The following BCAS3 variants were observed in gnomAD, a reference collection of about 807,000 sequenced individuals.
BCAS3 encodes the protein BCAS4/BCAS3 fusion.
A neutral mutation model predicts 116.1 loss-of-function variants in BCAS3; 53 were observed. The ratio of observed to expected loss-of-function variants is 0.46; its 90% CI spans 0.37 to 0.57. BCAS3 has a LOEUF of 0.57. Among genes scored for constraint, BCAS3 ranks in the 20% least tolerant of loss-of-function variants. BCAS3 has a pLI of 0.00. For synonymous variants in BCAS3, 391 were observed against 408.2 expected (o/e 0.96, Z 0.51); for missense variants, 917 against 1,165.4 (o/e 0.79, Z 3.10).
In BCAS3 at chr17:61,365,518, G is replaced by A. The variant is rs1409122935; in HGVS notation, c.2426-2809G>A. Among the ~76,000 whole-genome samples the A allele has an allele frequency of 2.0e-5, 3 of 152,102 alleles. No individual in the cohort carries two copies. Among genetic ancestry groups the A allele is most frequent in the East Asian group, 1.9e-4 (1 of 5,172 alleles). On this transcript the variant is annotated intron_variant, in intron 22 of 23. Transcript: ENST00000407086. The surrounding 1 kb of genome is among the most constrained non-coding windows in gnomAD (Gnocchi z 4.6). ...CCAGCTAACTTTTGTATTTTTAGTCGAGATGGCGTTTCACCATGTTGTCCA... is the reference window on the plus strand; with the variant it reads ...CCAGCTAACTTTTGTATTTTTAGTCAAGATGGCGTTTCACCATGTTGTCCA...
At chr17:61,045,854 T>TAA (rs2068020651) in intron 19 of BCAS3, among the ~76,000 whole-genome samples, 1 of 760 alleles carries the variant, frequency 1.3e-3, no homozygotes, top group Non-Finnish European at 7.9e-3. Context: ...TCTCTCTATA[T>TAA]ATATATATAT....
rs1568743988 is a variant in BCAS3, at chr17:61,281,750, A to T, written c.2426-86577A>T. On this transcript the variant is annotated intron_variant, in intron 22 of 23. Coordinates refer to ENST00000407086, the MANE Select transcript of BCAS3 (RefSeq NM_017679.5). This position sits in a 1 kb window ranked among gnomAD's most constrained non-coding sequence, Gnocchi z 4.2. ...TCATATATATTATAAATATTTTTCCAAGTTTGTCAGTATCTTTGCCATACA... is the reference window on the plus strand; with the variant it reads ...TCATATATATTATAAATATTTTTCCTAGTTTGTCAGTATCTTTGCCATACA... Among the ~76,000 whole-genome samples, 2 of 152,004 alleles carry T rather than the reference A, an allele frequency of 1.3e-5. No individual in the cohort carries two copies. Among genetic ancestry groups the T allele is most frequent in the East Asian group, 3.8e-4 (2 of 5,200 alleles).
Position 61,118,260 on chromosome 17 carries a change from A to G in BCAS3, c.2425+33696A>G, listed in dbSNP as rs930732000. Among the ~76,000 whole-genome samples the G allele has an allele frequency of 1.3e-5, 2 of 152,162 alleles. No homozygotes were observed. Among genetic ancestry groups the G allele is most frequent in the African/African-American group, 4.8e-5 (2 of 41,432 alleles). ...ACTGTTACCACCCAATCAGGTTACT[A>G]CTTGGGAGAGATGGAAGTCCCGGCT... On this transcript the variant is annotated intron_variant, in intron 22 of 23. Transcript: ENST00000407086. This position sits in a 1 kb window ranked among gnomAD's most constrained non-coding sequence, Gnocchi z 5.0.
chr17:61,344,578 A>C lies in BCAS3; in HGVS notation c.2426-23749A>C, dbSNP rs141029670. ...AGAGGAGGAAACAGCCAGCAGTGGC[A>C]GTAGTGTGTTACATGCTGATAGGGC... On this transcript the variant is annotated intron_variant, in intron 22 of 23. Transcript: ENST00000407086. This position sits in a 1 kb window ranked among gnomAD's most constrained non-coding sequence, Gnocchi z 4.1. Among the ~76,000 whole-genome samples, 1 of 152,236 alleles carries C rather than the reference A, an allele frequency of 6.6e-6. No homozygotes were observed. The highest frequency in any genetic ancestry group is 2.4e-5 in the African/African-American group (1 of 41,458).
At position 61,041,759 on chromosome 17, in the gene BCAS3, T is replaced by C. The variant is rs2067527084; in HGVS notation, c.2029+867T>C. On this transcript the variant is annotated intron_variant, in intron 19 of 23. Transcript: ENST00000407086. This position sits in a 1 kb window ranked among gnomAD's most constrained non-coding sequence, Gnocchi z 4.7. The stretch of plus-strand genomic sequence containing the variant: ...TATTATACTGGAAACAGAAATATTT[T>C]ATAGACTTTGCTCTCAAGTTATGAA... Among the ~76,000 whole-genome samples the C allele has an allele frequency of 6.6e-6, 1 of 152,106 alleles. No individual in the cohort carries two copies.
chr17:61,082,280 T>A lies in BCAS3; in HGVS notation c.2328-2187T>A, dbSNP rs1182960380. Among the ~76,000 whole-genome samples the A allele has an allele frequency of 6.6e-6, 1 of 152,210 alleles. No homozygotes were observed. The highest frequency in any genetic ancestry group is 1.5e-5 in the Non-Finnish European group (1 of 68,034). On this transcript the variant is annotated intron_variant, in intron 21 of 23. Coordinates refer to ENST00000407086, the MANE Select transcript of BCAS3 (RefSeq NM_017679.5). This position sits in a 1 kb window ranked among gnomAD's most constrained non-coding sequence, Gnocchi z 5.1. The stretch of plus-strand genomic sequence containing the variant: ...ATTTACCAGTTTTAAAATGTACAAG[T>A]CAGTGGGTTTTAGTATATTCACTAT...
chr17:61,083,073 C>T lies in BCAS3; in HGVS notation c.2328-1394C>T, dbSNP rs1426487954. 3.9e-5 allele frequency among the ~76,000 whole-genome samples: 6 copies of T among 152,282 alleles called. No homozygotes were observed. Among genetic ancestry groups the T allele is most frequent in the Non-Finnish European group, 2.9e-5 (2 of 68,022 alleles). On this transcript the variant is annotated intron_variant, in intron 21 of 23. Coordinates refer to ENST00000407086, the MANE Select transcript of BCAS3 (RefSeq NM_017679.5). The surrounding 1 kb of genome is among the most constrained non-coding windows in gnomAD (Gnocchi z 4.9). ...GCACTTCAAGATGCCCTGAATCTAT[C>T]GTATTCAGTCACTAATCTAAGTTTC...
chr17:61,206,848 C>CT (rs1325879107), intron 22 of BCAS3, among the ~76,000 whole-genome samples: 1 of 147,884 alleles, frequency 6.8e-6, no homozygotes, highest in Admixed American at 6.7e-5. Flanking sequence ...GGGGAATCCC[C>CT]TATGAATGTA....
At chr17:61,306,691 G>A (rs952904088) in intron 22 of BCAS3, among the ~76,000 whole-genome samples, 5 of 152,092 alleles carry the variant, frequency 3.3e-5, no homozygotes, top group East Asian at 1.9e-4. Context: ...CAGGAGGATC[G>A]CTTGAGCCCA....
At chr17:61,089,215 C>T (rs773626868) in intron 22 of BCAS3, among the ~76,000 whole-genome samples, 11 of 152,090 alleles carry the variant, frequency 7.2e-5, no homozygotes, top group Non-Finnish European at 1.5e-4. Context: ...AAATTACACA[C>T]TTAAAATCCC....
intron 13 of BCAS3, among the ~76,000 whole-genome samples, chr17:60,938,107 G>A (rs2060031439): frequency 6.6e-6 from 1 of 152,084 alleles, no homozygotes; most frequent in Admixed American, 6.6e-5. Context: ...TGTTGGCCAG[G>A]ATGGTCTCAA....
At position 61,227,072 on chromosome 17, in the gene BCAS3, C is replaced by A. The variant is rs946562742; in HGVS notation, c.2426-141255C>A. 6.6e-6 allele frequency among the ~76,000 whole-genome samples: 1 copy of A among 152,320 alleles called. No homozygotes were observed. Among genetic ancestry groups the A allele is most frequent in the African/African-American group, 2.4e-5 (1 of 41,560 alleles). ...AGGTGGTTAACTGTGTGCAACGCCC[C>A]TTTCCCATAGGTTATGGTTACTCCA... On this transcript the variant is annotated intron_variant, in intron 22 of 23. Transcript: ENST00000407086. The surrounding 1 kb of genome is among the most constrained non-coding windows in gnomAD (Gnocchi z 6.1).
Position 61,348,954 on chromosome 17 carries a change from G to A in BCAS3, c.2426-19373G>A, listed in dbSNP as rs960933031. ...TTTTTGGTAGAGATGGGGTTTCACC[G>A]TGTTAGCCAGGATGGTCTTGATCTC... On this transcript the variant is annotated intron_variant, in intron 22 of 23. Transcript: ENST00000407086. This position sits in a 1 kb window ranked among gnomAD's most constrained non-coding sequence, Gnocchi z 4.5. 1.1e-4 allele frequency among the ~76,000 whole-genome samples: 17 copies of A among 151,790 alleles called. No homozygotes were observed. The highest frequency in any genetic ancestry group is 3.9e-4 in the East Asian group (2 of 5,122).
rs1275032440 is a variant in BCAS3 at position 60,876,748 on chromosome 17, G to A, written c.661+2010G>A. On this transcript the variant is annotated intron_variant, in intron 9 of 23. Transcript: ENST00000407086. The stretch of plus-strand genomic sequence containing the variant: ...GTATGTCATCTCTGCCTCTCTTGAG[G>A]CACTTACATTCTATCTTGTATACAT... Among the ~76,000 whole-genome samples the A allele has an allele frequency of 4.6e-5, 7 of 151,946 alleles. 1 individual carries two copies. Among genetic ancestry groups the A allele is most frequent in the Non-Finnish European group, 8.8e-5 (6 of 67,952 alleles).
At chr17:60,721,487 T>C (rs973170428) in intron 5 of BCAS3, among the ~76,000 whole-genome samples, 1 of 152,204 alleles carries the variant, frequency 6.6e-6, no homozygotes. Context: ...AACTCTTGCA[T>C]CTGAAACTTA....
chr17:61,045,767 G>T (rs1429424237), intron 19 of BCAS3, among the ~76,000 whole-genome samples: 1 of 128,698 alleles, frequency 7.8e-6, no homozygotes, highest in African/African-American at 3.0e-5. Flanking sequence ...AGTGAGCTGA[G>T]ACTGCACTAC....
intron 22 of BCAS3, among the ~76,000 whole-genome samples, chr17:61,093,977 A>G (rs532971374): frequency 6.6e-6 from 1 of 152,316 alleles, no homozygotes; most frequent in Admixed American, 6.5e-5. Context: ...GTGGTCTATT[A>G]AGTCAAAATT....
rs1167369566 is a variant in BCAS3 at position 60,922,505 on chromosome 17, C to T, written c.994-1902C>T. Among the ~76,000 whole-genome samples the T allele has an allele frequency of 2.0e-5, 3 of 152,074 alleles. No homozygotes were observed. The South Asian group carries it at 6.2e-4, about 32-fold the overall frequency. On this transcript the variant is annotated intron_variant, in intron 12 of 23. Coordinates refer to ENST00000407086, the MANE Select transcript of BCAS3 (RefSeq NM_017679.5). The stretch of plus-strand genomic sequence containing the variant: ...ATAGGAATAAGCACTCTGTAATTTT[C>T]CACATGCATGTTAGTAAACATGTAC...
chr17:60,681,991 A>G (rs946290147), intron 2 of BCAS3, among the ~76,000 whole-genome samples: 1 of 152,164 alleles, frequency 6.6e-6, no homozygotes, highest in East Asian at 1.9e-4. Context: ...CAGCCTCCCA[A>G]AGTGCTGGGA....
Sources: allele counts gnomAD v4.1 joint callset (sites outside exome capture counted in the v4.1 genomes callset), GRCh38; gene constraint gnomAD v4.1.1; non-coding constraint Gnocchi (gnomAD v3.1); transcripts MANE v1.5; gene names NCBI Gene and HGNC (gene_info 2026-07-23, HGNC 2026-07-21).